The following CFAP73 variants were observed in gnomAD, a reference collection of about 807,000 sequenced individuals.
CFAP73 encodes the protein cilia and flagella associated protein 73.
In CFAP73, 33 loss-of-function variants were observed where a neutral mutation model predicts 42.9. That is an observed-to-expected ratio of 0.77 (90% confidence interval 0.58 to 1.03). The LOEUF (loss-of-function observed/expected upper bound fraction) is 1.03, where lower values mean the gene tolerates loss of function less well. Among genes scored for constraint, CFAP73 ranks in the 50% least tolerant of loss-of-function variants. The probability of loss-of-function intolerance (pLI) is 0.00; values close to 1 mark genes in which losing one functional copy is unlikely to be tolerated. For synonymous variants in CFAP73, 162 were observed against 186.8 expected, an observed-to-expected ratio of 0.87 and a Z score of 1.08; for missense variants, 392 against 411.9, an observed-to-expected ratio of 0.95 and a Z score of 0.42.
chr12:113,153,361 G>C lies in CFAP73; in HGVS notation c.421G>C (p.Glu141Gln). Residue 141 changes from glutamate to glutamine, a missense_variant, in exon 4 of 8, where the codon GAG becomes CAG. By Grantham distance (29) the Glu-to-Gln change is conservative. Transcript: ENST00000335621. ...ARLQRRLKRL[E>Q]PCARLLEQAL... Reference sequence around the variant, plus strand: ...GCTGCAGCGCCGGCTTAAGCGCCTGGAGCCCTGCGCGCGCCTGCTGGAGCA... The same window carrying C: ...GCTGCAGCGCCGGCTTAAGCGCCTGCAGCCCTGCGCGCGCCTGCTGGAGCA... 6.7e-7 allele frequency: 1 copy of C among 1,491,258 alleles called. No homozygotes were observed. Among genetic ancestry groups the C allele is most frequent in the Non-Finnish European group, 8.9e-7 (1 of 1,126,248 alleles). 92.4% of individuals were successfully genotyped at this position (1,491,258 alleles called of 1,614,324 possible).
At chr12:113,150,951 C>T (rs1250181236) in intron 1 of CFAP73, among the ~76,000 whole-genome samples, 2 of 152,212 alleles carry the variant, frequency 1.3e-5, no homozygotes, top group Non-Finnish European at 2.9e-5. Context: ...GATGCCACCT[C>T]CTCTGTGTTG....
chr12:113,159,181 C>A lies in CFAP73; in HGVS notation c.*492C>A. Reference sequence around the variant, plus strand: ...AAGATCCCCTCCTCCCAGAAGCTTGCAGACTCCTCCCCTGCCCCTACTCCT... The same window carrying A: ...AAGATCCCCTCCTCCCAGAAGCTTGAAGACTCCTCCCCTGCCCCTACTCCT... On this transcript the variant is annotated 3_prime_UTR_variant, in exon 8 of 8. Transcript: ENST00000335621. The A allele has an allele frequency of 6.9e-7, 1 of 1,457,404 alleles. No homozygotes were observed. The highest frequency in any genetic ancestry group is 2.0e-5 in the Admixed American group (1 of 49,424). The allele number at this position is 1,457,404 out of a possible 1,614,324, so 90.3% of individuals were successfully genotyped here.
intron 6 of CFAP73, among the ~76,000 whole-genome samples, chr12:113,156,517 C>T (rs564146535): frequency 1.3e-5 from 2 of 152,074 alleles, no homozygotes; most frequent in Admixed American, 6.5e-5. Context: ...GGAGTTTTGT[C>T]TGCGGCTCGT....
Position 113,152,835 on chromosome 12 carries a change from A to G in CFAP73, c.215A>G (p.Gln72Arg). The G allele has an allele frequency of 6.4e-7, 1 of 1,551,670 alleles. No individual in the cohort carries two copies. The highest frequency in any genetic ancestry group is 8.7e-7 in the Non-Finnish European group (1 of 1,146,958). The change falls in exon 3 of 8, where the codon CAA becomes CGA. Residue 72 changes from glutamine to arginine, a missense_variant. By Grantham distance (43) the Gln-to-Arg change is conservative. Coordinates refer to ENST00000335621, the MANE Select transcript of CFAP73 (RefSeq NM_001144872.3). ...ALKQRWEQLE[Q>R]KERELKGSFI... ...AAACAGCGTTGGGAACAGCTGGAAC[A>G]AAAGGAGCGGGAGCTAAAGGGATCG... is the stretch of plus-strand genomic sequence containing the variant.
chr12:113,153,905 T>G (rs1952090350), intron 4 of CFAP73, among the ~76,000 whole-genome samples: 1 of 152,122 alleles, frequency 6.6e-6, no homozygotes, highest in African/African-American at 2.4e-5. Flanking sequence ...CGCTTTGTTC[T>G]TGAATCCTCC....
chr12:113,157,139 G>C (rs1952137851), intron 6 of CFAP73: 1 of 156,126 alleles, frequency 6.4e-6, no homozygotes, highest in Non-Finnish European at 1.4e-5. Context: ...ATGAGGGGGA[G>C]CCCACAGATG....
In CFAP73 at chr12:113,159,071, G is replaced by A. The variant is rs772730940; in HGVS notation, c.*382G>A. On this transcript the variant is annotated 3_prime_UTR_variant, in exon 8 of 8. Coordinates refer to ENST00000335621, the MANE Select transcript of CFAP73 (RefSeq NM_001144872.3). Reference sequence around the variant, plus strand: ...TTGGTCTTGAGTTCCGGGCGGACTCGGCCTGCAGGGGTGCCTGGGGCGTGG... The same window carrying A: ...TTGGTCTTGAGTTCCGGGCGGACTCAGCCTGCAGGGGTGCCTGGGGCGTGG... The A allele has an allele frequency of 4.4e-6, 7 of 1,607,524 alleles. No homozygotes were observed. Among genetic ancestry groups the A allele is most frequent in the African/African-American group, 2.7e-5 (2 of 74,880 alleles).
In CFAP73 at chr12:113,154,964, G is replaced by A. The variant is rs1258607520; in HGVS notation, c.691-296G>A. Among the ~76,000 whole-genome samples, 1 of 152,236 alleles carries A rather than the reference G, an allele frequency of 6.6e-6. No homozygotes were observed. The highest frequency in any genetic ancestry group is 2.4e-5 in the African/African-American group (1 of 41,474). ...AGGGGCGGATCACCTCAGGTCATGA[G>A]TTCGAGACCAGCCTGGCCAACATGG... On this transcript the variant is annotated intron_variant, in intron 5 of 7. Transcript: ENST00000335621. This position sits in a 1 kb window ranked among gnomAD's most constrained non-coding sequence, Gnocchi z 4.7.
rs775718623 is a variant in CFAP73 at position 113,154,399 on chromosome 12, C to G, written c.469-15C>G. On this transcript the variant is annotated splice_polypyrimidine_tract_variant and intron_variant, in intron 4 of 7. Transcript: ENST00000335621. The surrounding 1 kb of genome is among the most constrained non-coding windows in gnomAD (Gnocchi z 4.7). ...TGCAGGCCCATGTGAGTCCCTTCCCCGCCCCCGACTCTAGTTCCAAGAGGT... is the reference window on the plus strand; with the variant it reads ...TGCAGGCCCATGTGAGTCCCTTCCCGGCCCCCGACTCTAGTTCCAAGAGGT... 1 of 1,548,392 alleles carries G rather than the reference C, an allele frequency of 6.5e-7. No homozygotes were observed. Among genetic ancestry groups the G allele is most frequent in the Non-Finnish European group, 8.7e-7 (1 of 1,146,038 alleles).
chr12:113,155,929 C>CT (rs200795985), intron 6 of CFAP73, among the ~76,000 whole-genome samples: 5,377 of 136,398 alleles, frequency 0.039, 183 homozygotes, highest in East Asian at 0.14. Flanking sequence ...GTGCCATAGG[C>CT]TTTTTTTTTT....
At chr12:113,151,885 C>T in intron 1 of CFAP73, 33 bp from the exon 2 acceptor site, 1 of 1,475,770 alleles carries the variant, frequency 6.8e-7, no homozygotes, top group Non-Finnish European at 9.3e-7. Flanking sequence ...AACATGCTTC[C>T]TTCACCCCCA....
In CFAP73 at chr12:113,158,785, A is replaced by G. The variant is rs1458364346; in HGVS notation, c.*96A>G. 1.5e-6 allele frequency: 2 copies of G among 1,367,452 alleles called. No individual in the cohort carries two copies. Among genetic ancestry groups the G allele is most frequent in the East Asian group, 2.4e-5 (1 of 41,322 alleles). The allele number at this position is 1,367,452 out of a possible 1,614,324, so 84.7% of individuals were successfully genotyped here. ...CCTGCAGGGAGTGCCCCCAGTGCCC[A>G]GCACAGGGCCAGGCACACAGTGGTG... On this transcript the variant is annotated 3_prime_UTR_variant, in exon 8 of 8. Coordinates refer to ENST00000335621, the MANE Select transcript of CFAP73 (RefSeq NM_001144872.3). This position sits in a 1 kb window ranked among gnomAD's most constrained non-coding sequence, Gnocchi z 4.9.
chr12:113,157,864 C>T (rs543234356), intron 7 of CFAP73, 174 bp downstream of exon 7: 1 of 607,158 alleles, frequency 1.6e-6, no homozygotes, highest in Non-Finnish European at 3.0e-6. Context: ...AGCAAGCACT[C>T]CATAAATGCA....
intron 6 of CFAP73, 99 bp downstream of exon 6, chr12:113,155,517 A>C: frequency 7.7e-7 from 1 of 1,293,068 alleles, no homozygotes. Context: ...CTCTGGGTTA[A>C]GCATGGCCCT....
At position 113,154,514 on chromosome 12, in the gene CFAP73, C is replaced by A. The variant is rs1952098418; in HGVS notation, c.569C>A (p.Ala190Glu). ...CGCGAGCAGCTCGCGGAGCTGGAGG[C>A]GGCGCGAGCGCGGCTGCAGCAGCTG... is the stretch of plus-strand genomic sequence containing the variant. ...REREQLAELE[A>E]ARARLQQLRD... The change falls in exon 5 of 8, where the codon GCG becomes GAG. Residue 190 changes from alanine (A) to glutamate (E), a missense_variant. Coordinates refer to ENST00000335621, the MANE Select transcript of CFAP73 (RefSeq NM_001144872.3). This position sits in a 1 kb window ranked among gnomAD's most constrained non-coding sequence, Gnocchi z 4.7. The A allele has an allele frequency of 1.3e-6, 2 of 1,519,284 alleles. No homozygotes were observed. The highest frequency in any genetic ancestry group is 2.9e-5 in the African/African-American group (2 of 69,594). The allele number at this position is 1,519,284 out of a possible 1,614,324, so 94.1% of individuals were successfully genotyped here.
In CFAP73 at chr12:113,151,020, T is replaced by TTTA. The variant is rs112063776; in HGVS notation, c.57-877_57-875dup. Among the ~76,000 whole-genome samples, 1,802 of 150,900 alleles carry TTTA rather than the reference T, an allele frequency of 0.012. 59 individuals are homozygous for TTTA. The East Asian group carries it at 0.15, about 12-fold the overall frequency. Reference sequence around the variant, plus strand: ...CAGTGCCTACCATGTCCTGGCATTCTTTATTATTATTATTATTATTATTTA... The same window carrying TTTA: ...CAGTGCCTACCATGTCCTGGCATTCTTTATTATTATTATTATTATTATTATTTA... On this transcript the variant is annotated intron_variant, in intron 1 of 7. Transcript: ENST00000335621.
At position 113,154,423 on chromosome 12, in the gene CFAP73, G is replaced by A. The variant is rs1307602581; in HGVS notation, c.478G>A (p.Val160Ile). 2 of 1,547,894 alleles carry A rather than the reference G, an allele frequency of 1.3e-6. No individual in the cohort carries two copies. The highest frequency in any genetic ancestry group is 3.9e-5 in the Admixed American group (2 of 50,886). Residue 160 changes from valine (V) to isoleucine (I), a missense_variant, in exon 5 of 8, where the codon GTT (valine) becomes ATT (isoleucine). Physicochemically the swap from Val to Ile is conservative, Grantham distance 29. Coordinates refer to ENST00000335621, the MANE Select transcript of CFAP73 (RefSeq NM_001144872.3). This position sits in a 1 kb window ranked among gnomAD's most constrained non-coding sequence, Gnocchi z 4.7. ...CCGCCCCCGACTCTAGTTCCAAGAG[G>A]TTCCGGAGCTGGTGGCGCGCTTCGA... The part of the protein sequence containing the change: ...ALELLPGFQE[V>I]PELVARFDGL...
At chr12:113,151,413 C>T (rs1384477874) in intron 1 of CFAP73, among the ~76,000 whole-genome samples, 1 of 152,020 alleles carries the variant, frequency 6.6e-6, no homozygotes, top group African/African-American at 2.4e-5. Flanking sequence ...ACCTGGAAGG[C>T]GGGAGGTTGC....
chr12:113,150,766 C>G lies in CFAP73; in HGVS notation c.56+853C>G, dbSNP rs925552550. Among the ~76,000 whole-genome samples, 2 of 152,212 alleles carry G rather than the reference C, an allele frequency of 1.3e-5. 1 individual carries two copies. On this transcript the variant is annotated intron_variant, in intron 1 of 7. Transcript: ENST00000335621. The stretch of plus-strand genomic sequence containing the variant: ...TCACTTAGAGTCAAGGCCAAAGTCT[C>G]CACTCACCATGGCCCACCGCAGTTG...
Sources: allele counts gnomAD v4.1 joint callset (sites outside exome capture counted in the v4.1 genomes callset), GRCh38; gene constraint gnomAD v4.1.1; non-coding constraint Gnocchi (gnomAD v3.1); transcripts MANE v1.5; gene names NCBI Gene and HGNC (gene_info 2026-07-23, HGNC 2026-07-21).